Variants in RNF138 observed in about 807,000 individuals in gnomAD.
The protein encoded by RNF138 is ring finger protein 138.
RNF138 carries 12 observed loss-of-function variants against 31.0 expected under a neutral mutation model. The observed-to-expected ratio is 0.39, with a 90% CI of 0.25 to 0.63. RNF138 has a LOEUF of 0.63. Ranked by LOEUF, RNF138 falls within the 20% of genes least tolerant of loss-of-function variation. The pLI is 0.52. For synonymous variants in RNF138, 105 were observed against 99.5 expected (o/e 1.06, Z -0.33); for missense variants, 192 against 300.1 (o/e 0.64, Z 2.66).
At position 32,091,981 on chromosome 18, in the gene RNF138, G is replaced by C. The variant is rs1181798896; in HGVS notation, c.-332G>C. 6.6e-6 allele frequency: 1 copy of C among 152,038 alleles called. No homozygotes were observed. The highest frequency in any genetic ancestry group is 1.5e-5 in the Non-Finnish European group (1 of 68,278). 9.4% of individuals were successfully genotyped at this position (152,038 alleles called of 1,614,324 possible). A position where few individuals can be genotyped will look rare whatever the true frequency, so the allele number is the denominator to read the frequency against. On this transcript the variant is annotated 5_prime_UTR_variant, in exon 1 of 8. Coordinates refer to ENST00000261593, the MANE Select transcript of RNF138 (RefSeq NM_016271.5). Reference sequence around the variant, plus strand: ...CGCTCCCGCGTTCGGTGACGGCCGGGTAGGCTGTAGGCAGCGCAATGCCAA... The same window carrying C: ...CGCTCCCGCGTTCGGTGACGGCCGGCTAGGCTGTAGGCAGCGCAATGCCAA...
intron 6 of RNF138, among the ~76,000 whole-genome samples, chr18:32,125,935 C>T (rs1428569900): frequency 1.3e-5 from 2 of 152,166 alleles, no homozygotes; most frequent in Non-Finnish European, 2.9e-5. Flanking sequence ...AAATCTCGCT[C>T]ATATTTAAGA....
chr18:32,108,735 C>G (rs1372574824), intron 2 of RNF138, among the ~76,000 whole-genome samples: 1 of 152,154 alleles, frequency 6.6e-6, no homozygotes, highest in Non-Finnish European at 1.5e-5. Context: ...ATGGAGTGAT[C>G]ATAGCTCACT....
Position 32,113,847 on chromosome 18 carries a change from T to G in RNF138, c.379T>G (p.Ser127Ala), listed in dbSNP as rs754775307. 4.0e-6 allele frequency: 6 copies of G among 1,483,440 alleles called. No individual in the cohort carries two copies. The highest frequency in any genetic ancestry group is 5.5e-6 in the Non-Finnish European group (6 of 1,087,058). 91.9% of individuals were successfully genotyped at this position (1,483,440 alleles called of 1,614,324 possible). The change falls in exon 4 of 8, where the codon TCA becomes GCA. Residue 127 changes from serine (S) to alanine (A), a missense_variant. Coordinates refer to ENST00000261593, the MANE Select transcript of RNF138 (RefSeq NM_016271.5). ...TCCAAACTTTCAGATCTCTCAAGAT[T>G]CAGTAGGGAACAGGTAAGCAATACT... is the stretch of plus-strand genomic sequence containing the variant. ...IIPNFQISQDSVGNSNRSETS... is the reference protein window; with the variant it reads ...IIPNFQISQDAVGNSNRSETS...
intron 4 of RNF138, among the ~76,000 whole-genome samples, chr18:32,115,842 T>TGC (rs2040208256): frequency 1.3e-5 from 2 of 152,214 alleles, no homozygotes; most frequent in Non-Finnish European, 2.9e-5. Context: ...TTTTATAGCC[T>TGC]CTTTCTTGGT....
chr18:32,118,607 G>T (rs2040253739), intron 4 of RNF138, among the ~76,000 whole-genome samples: 1 of 151,052 alleles, frequency 6.6e-6, no homozygotes, highest in Admixed American at 6.6e-5. Context: ...GAGGTGGGTG[G>T]ATCACTAGGT....
At chr18:32,125,931 C>T (rs572255831) in intron 6 of RNF138, among the ~76,000 whole-genome samples, 33 of 152,270 alleles carry the variant, frequency 2.2e-4, no homozygotes, top group African/African-American at 6.3e-4. Flanking sequence ...CAGGAAATCT[C>T]GCTCATATTT....
intron 2 of RNF138, among the ~76,000 whole-genome samples, chr18:32,106,682 A>T (rs1049917391): frequency 6.6e-6 from 1 of 151,830 alleles, no homozygotes; most frequent in Non-Finnish European, 1.5e-5. Context: ...CTCCTGCCTC[A>T]GCCTCTTGAG....
At chr18:32,121,645 ATATT>A (rs1435829917) in intron 4 of RNF138, among the ~76,000 whole-genome samples, 2 of 152,228 alleles carry the variant, frequency 1.3e-5, no homozygotes, top group African/African-American at 4.8e-5. Flanking sequence ...CCCAGTGATT[ATATT>A]AATTTGGAAG....
intron 2 of RNF138, among the ~76,000 whole-genome samples, chr18:32,095,012 A>G (rs1052239495): frequency 6.6e-6 from 1 of 152,206 alleles, no homozygotes; most frequent in African/African-American, 2.4e-5. Context: ...GACCTTTCTC[A>G]AATCAACTTA....
At chr18:32,093,350 C>A (rs1328930940) in intron 2 of RNF138, among the ~76,000 whole-genome samples, 1 of 152,204 alleles carries the variant, frequency 6.6e-6, no homozygotes, top group South Asian at 2.1e-4. Context: ...GCTCGCCCCG[C>A]GACCTGCCCT....
At chr18:32,092,427 G>T (rs555972821) in intron 1 of RNF138, among the ~76,000 whole-genome samples, 192 bp downstream of exon 1, 75 of 152,088 alleles carry the variant, frequency 4.9e-4, no homozygotes, top group Middle Eastern at 3.4e-3. Context: ...CTGGAGCCCG[G>T]TGAGGGCGTG....
At chr18:32,124,206 T>C (rs1349671547) in intron 5 of RNF138, 1 of 153,176 alleles carries the variant, frequency 6.5e-6, no homozygotes, top group Non-Finnish European at 1.5e-5. Flanking sequence ...CAGAATGTTT[T>C]CGAGTATTTC....
chr18:32,093,054 C>G (rs1423653831), intron 2 of RNF138, among the ~76,000 whole-genome samples, 168 bp downstream of exon 2: 1 of 151,768 alleles, frequency 6.6e-6, no homozygotes, highest in Non-Finnish European at 1.5e-5. Context: ...CCGGGGCGGC[C>G]TTTTCCTCAG....
At chr18:32,111,357 AAG>A (rs2040126482) in intron 2 of RNF138, among the ~76,000 whole-genome samples, 1 of 152,194 alleles carries the variant, frequency 6.6e-6, no homozygotes, top group Non-Finnish European at 1.5e-5. Flanking sequence ...TTTATTTTGT[AAG>A]GGGAGGAAAT....
At position 32,092,905 on chromosome 18, in the gene RNF138, C is replaced by T; in HGVS notation, c.110+19C>T. 1.4e-6 allele frequency: 2 copies of T among 1,422,760 alleles called. No homozygotes were observed. The highest frequency in any genetic ancestry group is 1.9e-6 in the Non-Finnish European group (2 of 1,053,830). The allele number at this position is 1,422,760 out of a possible 1,614,324, so 88.1% of individuals were successfully genotyped here. A position where few individuals can be genotyped will look rare whatever the true frequency, so the allele number is the denominator to read the frequency against. On this transcript the variant is annotated intron_variant, in intron 2 of 7. Transcript: ENST00000261593. ...AGCACGTGTGAGTAGACGCCCCCTC[C>T]CCCTCGCGGAGCCGGGTTGTCGCTT...
At chr18:32,120,856 A>C (rs140788980) in intron 4 of RNF138, among the ~76,000 whole-genome samples, 73 of 152,278 alleles carry the variant, frequency 4.8e-4, no homozygotes, top group Non-Finnish European at 9.0e-4. Context: ...AAAACTGCAT[A>C]GTACTGGCTG....
chr18:32,100,304 ATATT>A (rs528589063), intron 2 of RNF138, among the ~76,000 whole-genome samples: 1 of 151,220 alleles, frequency 6.6e-6, no homozygotes, highest in Non-Finnish European at 1.5e-5. Flanking sequence ...TTTTATATAT[ATATT>A]TGAGACAGGG....
intron 2 of RNF138, among the ~76,000 whole-genome samples, chr18:32,108,211 T>C (rs2040069165): frequency 6.6e-6 from 1 of 152,154 alleles, no homozygotes; most frequent in Admixed American, 6.5e-5. Context: ...ATCACAGATA[T>C]CCAGCTCAGT....
rs1394884628 is a variant in RNF138, at chr18:32,131,448, AT to A, written c.*2264del. ...ATTGTATTGATACTCCAATACCTAA[AT>A]TTCACAATACCACTTAGGAAAGCTA... On this transcript the variant is annotated 3_prime_UTR_variant, in exon 8 of 8. Transcript: ENST00000261593. The A allele has an allele frequency of 9.2e-5, 14 of 152,296 alleles. No individual in the cohort carries two copies. The highest frequency in any genetic ancestry group is 3.4e-4 in the African/African-American group (14 of 41,572). The allele number at this position is 152,296 out of a possible 1,614,324, so 9.4% of individuals were successfully genotyped here. A position where few individuals can be genotyped will look rare whatever the true frequency, so the allele number is the denominator to read the frequency against.
Sources: gnomAD v4.1 joint callset for allele counts (sites outside exome capture counted in the v4.1 genomes callset) on GRCh38, gnomAD v4.1.1 for gene constraint, MANE v1.5 for transcripts, NCBI Gene and HGNC (gene_info 2026-07-23, HGNC 2026-07-21) for gene names.